The following COMMD7 variants were observed in gnomAD, a reference collection of about 807,000 sequenced individuals.
COMMD7 encodes COMM domain containing 7.
A neutral mutation model predicts 34.8 loss-of-function variants in COMMD7; 28 were observed. The observed-to-expected ratio is 0.80, with a 90% confidence interval of 0.60 to 1.10. The LOEUF is 1.10. Among genes scored for constraint, COMMD7 ranks in the 50% least tolerant of loss-of-function variants. The pLI is 0.00. For missense variants in COMMD7, 211 were observed against 241.6 expected (o/e 0.87, Z 0.84); for synonymous variants, 80 against 86.4 (o/e 0.93, Z 0.41).
At chr20:32,721,001 C>A (rs1039759309) in intron 3 of COMMD7, among the ~76,000 whole-genome samples, 2 of 152,136 alleles carry the variant, frequency 1.3e-5, no homozygotes, top group Admixed American at 6.6e-5. Context: ...ACATCAGATA[C>A]AAACAAATCA....
At position 32,720,165 on chromosome 20, in the gene COMMD7, G is replaced by A. The variant is rs983623435; in HGVS notation, c.241+7728C>T. ...GAAAAGCCCATCTCTTCACTGGTAT[G>A]CTGAGTTCCTCAATTTTCTCTGTAT... is the stretch of plus-strand genomic sequence containing the variant. On this transcript the variant is annotated intron_variant, in intron 3 of 8. Transcript: ENST00000278980. 1.5e-3 allele frequency among the ~76,000 whole-genome samples: 229 copies of A among 152,310 alleles called. 1 individual carries two copies. The highest frequency in any genetic ancestry group is 5.3e-3 in the African/African-American group (221 of 41,586).
intron 3 of COMMD7, among the ~76,000 whole-genome samples, chr20:32,710,534 C>T (rs949800412): frequency 2.0e-5 from 3 of 151,780 alleles, no homozygotes; most frequent in Non-Finnish European, 2.9e-5. Context: ...GGTTCAAGAC[C>T]AGTCTGGGCA....
chr20:32,735,380 C>T (rs62206995), intron 1 of COMMD7, among the ~76,000 whole-genome samples: 2,817 of 151,580 alleles, frequency 0.019, 44 homozygotes, highest in Non-Finnish European at 0.029. Flanking sequence ...TGCAGTGGTG[C>T]GATCATGGCT....
At chr20:32,717,741 C>T (rs935601808) in intron 3 of COMMD7, among the ~76,000 whole-genome samples, 2 of 152,018 alleles carry the variant, frequency 1.3e-5, no homozygotes, top group Non-Finnish European at 2.9e-5. Context: ...AGATTACAGG[C>T]ATGAGTCATT....
chr20:32,738,529 G>A (rs1986265767), intron 1 of COMMD7, among the ~76,000 whole-genome samples: 1 of 152,090 alleles, frequency 6.6e-6, no homozygotes, highest in South Asian at 2.1e-4. Flanking sequence ...GGAGGTTGCA[G>A]TAAGCCAAGA....
At chr20:32,740,404 A>T (rs1986374630) in intron 1 of COMMD7, among the ~76,000 whole-genome samples, 1 of 152,160 alleles carries the variant, frequency 6.6e-6, no homozygotes, top group Non-Finnish European at 1.5e-5. Flanking sequence ...CAAAAAGTAA[A>T]ATGTCATTGA....
chr20:32,714,135 C>A (rs1246081806), intron 3 of COMMD7, among the ~76,000 whole-genome samples: 1 of 151,716 alleles, frequency 6.6e-6, no homozygotes, highest in Non-Finnish European at 1.5e-5. Context: ...AAAAAAACCC[C>A]CAAAAAAGAA....
At chr20:32,709,203 A>AG (rs1260742015) in intron 3 of COMMD7, among the ~76,000 whole-genome samples, 2 of 151,676 alleles carry the variant, frequency 1.3e-5, no homozygotes, top group African/African-American at 4.8e-5. Flanking sequence ...TGGGAGGCTG[A>AG]GGGGGTGGAT....
In COMMD7 at chr20:32,704,884, G is replaced by C. The variant is rs1423568648; in HGVS notation, c.357C>G (p.Thr119=). 3.1e-6 allele frequency: 5 copies of C among 1,613,660 alleles called. No individual in the cohort carries two copies. The highest frequency in any genetic ancestry group is 1.7e-5 in the Admixed American group (1 of 59,944). ...TCTGACCTATGGCCCATCGAGCAAG[G>C]GTGGGAGCATTCTGCTTCCACTGGA... The part of the protein sequence containing the change: ...FSEKWKQNAP[T]LARWAIGQTL... Residue 119 remains threonine (T), a synonymous_variant, in exon 6 of 9, where the codon ACC becomes ACG. Coordinates refer to ENST00000278980, the MANE Select transcript of COMMD7 (RefSeq NM_053041.3).
intron 3 of COMMD7, among the ~76,000 whole-genome samples, chr20:32,718,489 A>C (rs1351469977): frequency 6.6e-6 from 1 of 152,106 alleles, no homozygotes; most frequent in Admixed American, 6.6e-5. Flanking sequence ...GCCTGAGCTC[A>C]GGAGTTCGAG....
In COMMD7 at chr20:32,712,475, T is replaced by C. The variant is rs1006640589; in HGVS notation, c.242-5715A>G. 5.3e-5 allele frequency among the ~76,000 whole-genome samples: 8 copies of C among 150,658 alleles called. No individual in the cohort carries two copies. The East Asian group carries it at 1.6e-3, about 30-fold the overall frequency. ...GTGAGCCAAGATCGCGCCACTGCAC[T>C]CTAGCCTGGTGACAGAGCAAGATTC... On this transcript the variant is annotated intron_variant, in intron 3 of 8. Transcript: ENST00000278980.
chr20:32,740,894 G>A (rs1986402678), intron 1 of COMMD7, among the ~76,000 whole-genome samples: 1 of 151,588 alleles, frequency 6.6e-6, no homozygotes, highest in Non-Finnish European at 1.5e-5. Flanking sequence ...TGTAATCCCA[G>A]CACTTTGGGA....
At chr20:32,727,793 G>C (rs958628055) in intron 3 of COMMD7, 100 bp downstream of exon 3, 7 of 964,658 alleles carry the variant, frequency 7.3e-6, no homozygotes, top group African/African-American at 1.6e-5. Context: ...ATTACCAAAC[G>C]CTCTGGCTTG....
At chr20:32,742,976 C>G (rs1326918880) in intron 1 of COMMD7, among the ~76,000 whole-genome samples, 1 of 152,142 alleles carries the variant, frequency 6.6e-6, no homozygotes, top group Non-Finnish European at 1.5e-5. Context: ...TCTAGACTCC[C>G]CTCCGTCCCT....
chr20:32,717,959 T>A (rs1984901206), intron 3 of COMMD7, among the ~76,000 whole-genome samples: 1 of 150,154 alleles, frequency 6.7e-6, no homozygotes, highest in Non-Finnish European at 1.5e-5. Context: ...CGTGGTAGTG[T>A]GTGCCTGTAA....
intron 3 of COMMD7, among the ~76,000 whole-genome samples, chr20:32,711,375 C>T (rs1036353747): frequency 7.9e-5 from 11 of 139,902 alleles, no homozygotes; most frequent in African/African-American, 3.0e-4. Flanking sequence ...CCAGCCTGGA[C>T]GACGGAGTGA....
rs769518564 is a variant in COMMD7, at chr20:32,704,879, G to T, written c.362C>A (p.Ala121Asp). 2 of 1,613,906 alleles carry T rather than the reference G, an allele frequency of 1.2e-6. No individual in the cohort carries two copies. Among genetic ancestry groups the T allele is most frequent in the Admixed American group, 3.3e-5 (2 of 59,998 alleles). Residue 121 changes from alanine (A) to aspartate (D), a missense_variant, in exon 6 of 9, where the codon GCT becomes GAT. By Grantham distance (126) the Ala-to-Asp change is moderately radical. Coordinates refer to ENST00000278980, the MANE Select transcript of COMMD7 (RefSeq NM_053041.3). ...CAGAGTCTGACCTATGGCCCATCGAGCAAGGGTGGGAGCATTCTGCTTCCA... is the reference window on the plus strand; with the variant it reads ...CAGAGTCTGACCTATGGCCCATCGATCAAGGGTGGGAGCATTCTGCTTCCA... ...EKWKQNAPTL[A>D]RWAIGQTLMI... is the part of the protein sequence containing the mutation.
In COMMD7 at chr20:32,709,873, ATTTTTTCTTTTTTTACTTT is replaced by A. The variant is rs1248651368; in HGVS notation, c.242-3132_242-3114del. 4.3e-4 allele frequency among the ~76,000 whole-genome samples: 60 copies of A among 138,964 alleles called. 1 individual carries two copies. The South Asian group carries it at 0.014, about 32-fold the overall frequency. The allele number at this position is 138,964 out of a possible 152,430, so 91.2% of individuals were successfully genotyped here. A position where few individuals can be genotyped will look rare whatever the true frequency, so the allele number is the denominator to read the frequency against. ...AGGATCCCCGACCATTCTATTTCAC[ATTTTTTCTTTTTTTACTTT>A]TTTTTTTTTTTAATCTCATTCTGTC... is the stretch of plus-strand genomic sequence containing the variant. On this transcript the variant is annotated intron_variant, in intron 3 of 8. Coordinates refer to ENST00000278980, the MANE Select transcript of COMMD7 (RefSeq NM_053041.3).
intron 1 of COMMD7, among the ~76,000 whole-genome samples, chr20:32,736,668 T>TCAAA (rs541960935): frequency 4.0e-4 from 61 of 151,700 alleles, no homozygotes; most frequent in Admixed American, 1.3e-3. Context: ...AGACTCTGAC[T>TCAAA]CAAACAAACA....
Sources: allele counts gnomAD v4.1 joint callset (sites outside exome capture counted in the v4.1 genomes callset), GRCh38; gene constraint gnomAD v4.1.1; transcripts MANE v1.5; gene names NCBI Gene and HGNC (gene_info 2026-07-23, HGNC 2026-07-21).